Variants in CACNB2 observed in about 807,000 individuals in gnomAD.
The protein encoded by CACNB2 is voltage-dependent L-type calcium channel subunit beta-2.
In CACNB2, 42 loss-of-function variants were observed where a neutral mutation model predicts 73.3. The observed-to-expected ratio is 0.57, with a 90% CI of 0.45 to 0.74. CACNB2 has a LOEUF of 0.74. CACNB2 is among the 30% of genes least tolerant of loss of function. CACNB2 has a pLI of 0.00. For synonymous variants in CACNB2, 348 were observed against 310.3 expected, an observed-to-expected ratio of 1.12 and a Z score of -1.28; for missense variants, 940 against 853.0, an observed-to-expected ratio of 1.10 and a Z score of -1.27.
chr10:18,152,728 AAAAAC>A lies in CACNB2; in HGVS notation c.213+1758_213+1762del, dbSNP rs1564298405. Among the ~76,000 whole-genome samples the A allele has an allele frequency of 5.4e-4, 62 of 115,404 alleles. 1 individual carries two copies. The East Asian group carries it at 6.9e-3, about 13-fold the overall frequency. 75.7% of individuals were successfully genotyped at this position (115,404 alleles called of 152,430 possible). ...ACAGACCAAAAAAAAAAAAAAAAAA[AAAAAC>A]AAAAAACAAAACACTAGCTCCTTAG... On this transcript the variant is annotated intron_variant, in intron 2 of 13. Coordinates refer to ENST00000324631, the MANE Select transcript of CACNB2 (RefSeq NM_201596.3).
intron 2 of CACNB2, among the ~76,000 whole-genome samples, chr10:18,248,226 G>A (rs1446623240): frequency 1.3e-5 from 2 of 152,174 alleles, no homozygotes; most frequent in African/African-American, 4.8e-5. Flanking sequence ...CAAATGAACT[G>A]TTCTTTATGA....
chr10:18,444,836 A>T (rs912214226), intron 3 of CACNB2, among the ~76,000 whole-genome samples: 3 of 152,252 alleles, frequency 2.0e-5, no homozygotes, highest in Non-Finnish European at 4.4e-5. Context: ...TTAGTGAAAG[A>T]TGATGGCATT....
intron 3 of CACNB2, among the ~76,000 whole-genome samples, chr10:18,474,417 C>G (rs967726584): frequency 6.6e-6 from 1 of 152,140 alleles, no homozygotes; most frequent in Non-Finnish European, 1.5e-5. Flanking sequence ...GGCTCAGCGT[C>G]CTAAACTAAG....
At chr10:18,395,060 G>A (rs2043652023) in intron 2 of CACNB2, among the ~76,000 whole-genome samples, 1 of 152,176 alleles carries the variant, frequency 6.6e-6, no homozygotes, top group Non-Finnish European at 1.5e-5. Flanking sequence ...TCTCACATGT[G>A]TATTCCAGGA....
chr10:18,292,275 G>T lies in CACNB2; in HGVS notation c.214-109649G>T, dbSNP rs145577134. 4.8e-3 allele frequency among the ~76,000 whole-genome samples: 725 copies of T among 152,210 alleles called. 12 individuals carry two copies. The highest frequency in any genetic ancestry group is 0.016 in the African/African-American group (685 of 41,524). ...CTTAATTTTACGTATCTAAGTAATTGCCCTCAATCAATGATAGACATGTAT... is the reference window on the plus strand; with the variant it reads ...CTTAATTTTACGTATCTAAGTAATTTCCCTCAATCAATGATAGACATGTAT... On this transcript the variant is annotated intron_variant, in intron 2 of 13. Transcript: ENST00000324631.
chr10:18,487,977 A>G (rs531719494), intron 3 of CACNB2, among the ~76,000 whole-genome samples: 1 of 151,474 alleles, frequency 6.6e-6, no homozygotes, highest in African/African-American at 2.4e-5. Flanking sequence ...AAGTCATGCA[A>G]ATTGTACTTT....
At chr10:18,198,327 A>T (rs1392801795) in intron 2 of CACNB2, among the ~76,000 whole-genome samples, 1 of 151,938 alleles carries the variant, frequency 6.6e-6, no homozygotes, top group Non-Finnish European at 1.5e-5. Context: ...TATTTCATAT[A>T]GTAGTTGATA....
chr10:18,182,191 A>T (rs1477782065), intron 2 of CACNB2: 1 of 152,114 alleles, frequency 6.6e-6, no homozygotes, highest in Non-Finnish European at 1.5e-5. Flanking sequence ...GGCCGGGTAC[A>T]GTCGCTCATG....
chr10:18,209,353 T>C lies in CACNB2; in HGVS notation c.213+58378T>C, dbSNP rs374046631. Among the ~76,000 whole-genome samples the C allele has an allele frequency of 3.9e-5, 6 of 152,354 alleles. No individual in the cohort carries two copies. In the South Asian group the frequency reaches 1.2e-3, roughly 32 times the overall value. On this transcript the variant is annotated intron_variant, in intron 2 of 13. Coordinates refer to ENST00000324631, the MANE Select transcript of CACNB2 (RefSeq NM_201596.3). ...TTCTGCTTTAAGTTACAAATGGTTA[T>C]TAAATTTTCAAGAAAGGTATTCTCT... is the stretch of plus-strand genomic sequence containing the variant.
At chr10:18,252,694 A>C (rs1271749869) in intron 2 of CACNB2, among the ~76,000 whole-genome samples, 2 of 152,220 alleles carry the variant, frequency 1.3e-5, no homozygotes, top group Non-Finnish European at 2.9e-5. Context: ...CATAGTGCTT[A>C]TATTTAAGAG....
intron 2 of CACNB2, among the ~76,000 whole-genome samples, chr10:18,394,526 G>A (rs2043629311): frequency 1.3e-5 from 2 of 152,128 alleles, no homozygotes; most frequent in African/African-American, 4.8e-5. Flanking sequence ...TCCTAACTCT[G>A]TGGATCCAAT....
At chr10:18,187,524 G>A (rs2034207933) in intron 2 of CACNB2, among the ~76,000 whole-genome samples, 1 of 152,060 alleles carries the variant, frequency 6.6e-6, no homozygotes. Flanking sequence ...GTAAGAAAAA[G>A]AAAGGATTCT....
At chr10:18,407,109 CTTTTTT>C (rs71507267) in intron 3 of CACNB2, among the ~76,000 whole-genome samples, 478 of 35,568 alleles carry the variant, frequency 0.013, 6 homozygotes, top group Middle Eastern at 0.019. Context: ...GCTGTTCTGT[CTTTTTT>C]TTTTTTTTTT....
intron 3 of CACNB2, among the ~76,000 whole-genome samples, chr10:18,488,103 C>A (rs185200702): frequency 6.6e-4 from 100 of 151,710 alleles, no homozygotes; most frequent in African/African-American, 2.3e-3. Flanking sequence ...GCCACCACAC[C>A]CAGCCATTCA....
chr10:18,402,381 T>C (rs1219302422), intron 3 of CACNB2, among the ~76,000 whole-genome samples: 1 of 91,738 alleles, frequency 1.1e-5, no homozygotes, highest in Non-Finnish European at 2.1e-5. Context: ...GTAAACTATA[T>C]CTCTGTTAAG....
chr10:18,455,243 T>G (rs1032430116), intron 3 of CACNB2, among the ~76,000 whole-genome samples: 11 of 152,072 alleles, frequency 7.2e-5, no homozygotes, highest in Non-Finnish European at 1.5e-4. Context: ...AAGGAACATG[T>G]GGGGGCTGGT....
Position 18,371,999 on chromosome 10 carries a change from T to C in CACNB2, c.214-29925T>C, listed in dbSNP as rs1589165074. Among the ~76,000 whole-genome samples, 3 of 152,244 alleles carry C rather than the reference T, an allele frequency of 2.0e-5. No homozygotes were observed. In the East Asian group the frequency reaches 5.8e-4, roughly 29 times the overall value. On this transcript the variant is annotated intron_variant, in intron 2 of 13. Coordinates refer to ENST00000324631, the MANE Select transcript of CACNB2 (RefSeq NM_201596.3). ...TGTGTCTTTTGCCTGCATAAATGTC[T>C]TCTTTTGAGAAGTGTCTGTTCATAT...
chr10:18,174,266 C>G (rs1331747853), intron 2 of CACNB2, among the ~76,000 whole-genome samples: 1 of 131,518 alleles, frequency 7.6e-6, no homozygotes, highest in Non-Finnish European at 1.6e-5. Context: ...TTCCCTCCCT[C>G]CCTCTCCCTC....
intron 2 of CACNB2, among the ~76,000 whole-genome samples, chr10:18,220,109 TAATATATATA>T (rs1412191017): frequency 3.1e-5 from 1 of 32,174 alleles, no homozygotes; most frequent in Non-Finnish European, 5.0e-5. Flanking sequence ...TTTTATTTTT[TAATATATATA>T]TATATATATA....
Sources: gnomAD v4.1 joint callset for allele counts (sites outside exome capture counted in the v4.1 genomes callset) on GRCh38, gnomAD v4.1.1 for gene constraint, MANE v1.5 for transcripts, NCBI Gene and HGNC (gene_info 2026-07-23, HGNC 2026-07-21) for gene names.